The following PKN2 variants were observed in gnomAD, a reference collection of about 807,000 sequenced individuals.
The protein encoded by PKN2 is protein kinase N2, also known as serine/threonine-protein kinase N2.
Under a neutral mutation model 119.1 loss-of-function variants are expected in PKN2, and 38 were observed. That is an observed-to-expected ratio of 0.32 (90% CI 0.25 to 0.42). The LOEUF (loss-of-function observed/expected upper bound fraction) is 0.42. Among genes scored for constraint, PKN2 ranks in the 10% least tolerant of loss-of-function variants. The pLI, the probability that PKN2 is intolerant of heterozygous loss-of-function variation, is 1.00. For missense variants in PKN2, 850 were observed against 1,165.1 expected (o/e 0.73, Z 3.94); for synonymous variants, 390 against 384.9 (o/e 1.01, Z -0.15).
In PKN2 at chr1:88,777,640, A is replaced by G. The variant is rs187318761; in HGVS notation, c.985+5761A>G. Reference sequence around the variant, plus strand: ...CCTGAGGTGTCTATTTCATTAATATATTGTACACCAAAATAAAATTCTAAG... The same window carrying G: ...CCTGAGGTGTCTATTTCATTAATATGTTGTACACCAAAATAAAATTCTAAG... On this transcript the variant is annotated intron_variant, in intron 6 of 21. Coordinates refer to ENST00000370521, the MANE Select transcript of PKN2 (RefSeq NM_006256.4). Among the ~76,000 whole-genome samples the G allele has an allele frequency of 3.3e-5, 5 of 152,314 alleles. No individual in the cohort carries two copies. In the East Asian group the frequency reaches 9.6e-4, roughly 29 times the overall value.
chr1:88,760,622 C>T (rs576772625), intron 3 of PKN2, among the ~76,000 whole-genome samples: 188 of 152,098 alleles, frequency 1.2e-3, no homozygotes, highest in African/African-American at 3.2e-3. Flanking sequence ...TAAAAAGTAT[C>T]CTTTTTCAGA....
rs571988746 is a variant in PKN2, at chr1:88,808,406, A to G, written c.2102+631A>G. 2.4e-3 allele frequency among the ~76,000 whole-genome samples: 364 copies of G among 152,088 alleles called. 1 individual carries two copies. The highest frequency in any genetic ancestry group is 3.8e-3 in the Non-Finnish European group (259 of 67,978). ...CTGCAACCTCCACCTCCTGGGTTCA[A>G]GCAATTCTCCTGCCTCAGTCTCCTG... On this transcript the variant is annotated intron_variant, in intron 15 of 21. Coordinates refer to ENST00000370521, the MANE Select transcript of PKN2 (RefSeq NM_006256.4).
At chr1:88,706,418 T>A (rs1480424866) in intron 1 of PKN2, among the ~76,000 whole-genome samples, 1 of 152,168 alleles carries the variant, frequency 6.6e-6, no homozygotes, top group Non-Finnish European at 1.5e-5. Context: ...GATAATGCTG[T>A]CTTTGCATAA....
At position 88,835,050 on chromosome 1, in the gene PKN2, T is replaced by C. The variant is rs1672887260; in HGVS notation, c.*1602T>C. ...AAACATGAAAAAGCACACTGATTTATGGAGAGTTGAGCTAAAAACATTTAT... is the reference window on the plus strand; with the variant it reads ...AAACATGAAAAAGCACACTGATTTACGGAGAGTTGAGCTAAAAACATTTAT... On this transcript the variant is annotated 3_prime_UTR_variant, in exon 22 of 22. Coordinates refer to ENST00000370521, the MANE Select transcript of PKN2 (RefSeq NM_006256.4). 6.6e-6 allele frequency: 1 copy of C among 152,504 alleles called. No individual in the cohort carries two copies. Among genetic ancestry groups the C allele is most frequent in the African/African-American group, 2.4e-5 (1 of 41,458 alleles). The allele number at this position is 152,504 out of a possible 1,614,324, so 9.4% of individuals were successfully genotyped here.
Position 88,773,448 on chromosome 1 carries a change from C to T in PKN2, c.985+1569C>T, listed in dbSNP as rs10922487. 5.5e-3 allele frequency among the ~76,000 whole-genome samples: 835 copies of T among 151,810 alleles called. 6 individuals carry two copies. The highest frequency in any genetic ancestry group is 0.019 in the African/African-American group (804 of 41,376). On this transcript the variant is annotated intron_variant, in intron 6 of 21. Coordinates refer to ENST00000370521, the MANE Select transcript of PKN2 (RefSeq NM_006256.4). ...CTGGCCTCAAGTGATCTGCATGTGC[C>T]ACTGCACCTGGCTAATTTCTGTATT...
intron 1 of PKN2, among the ~76,000 whole-genome samples, chr1:88,703,074 G>C (rs1050791475): frequency 6.6e-6 from 1 of 152,058 alleles, no homozygotes; most frequent in African/African-American, 2.4e-5. Context: ...CGCACTCCTT[G>C]TCCCTTTTCT....
chr1:88,813,724 C>G lies in PKN2; in HGVS notation c.2270C>G (p.Pro757Arg), dbSNP rs747523531. 1 of 1,591,032 alleles carries G rather than the reference C, an allele frequency of 6.3e-7. No homozygotes were observed. The highest frequency in any genetic ancestry group is 8.5e-7 in the Non-Finnish European group (1 of 1,172,158). Residue 757 changes from proline (P) to arginine (R), a missense_variant, in exon 16 of 22, where the codon CCA becomes CGA. This residue lies in a region of PKN2 where 55 missense variants were observed against 85.9 expected (regional missense o/e 0.64). Coordinates refer to ENST00000370521, the MANE Select transcript of PKN2 (RefSeq NM_006256.4). ...ATTCATACTGATGTCTTTTCTGAACCAAGAGCTGTGTGAGTATGCTTTAGA... is the reference window on the plus strand; with the variant it reads ...ATTCATACTGATGTCTTTTCTGAACGAAGAGCTGTGTGAGTATGCTTTAGA... ...MHIHTDVFSEPRAVFYAACVV... is the reference protein window; with the variant it reads ...MHIHTDVFSERRAVFYAACVV...
At chr1:88,698,521 A>G (rs1666631940) in intron 1 of PKN2, among the ~76,000 whole-genome samples, 1 of 152,236 alleles carries the variant, frequency 6.6e-6, no homozygotes, top group Admixed American at 6.5e-5. Flanking sequence ...GCTTTGTTAT[A>G]TAATCTTTTA....
chr1:88,717,744 CCTT>C (rs1014413052), intron 1 of PKN2, among the ~76,000 whole-genome samples: 1 of 152,054 alleles, frequency 6.6e-6, no homozygotes, highest in African/African-American at 2.4e-5. Context: ...CGAACATCCT[CCTT>C]TAGCTCGGAG....
intron 1 of PKN2, among the ~76,000 whole-genome samples, chr1:88,710,013 T>C (rs1667163018): frequency 6.6e-6 from 1 of 152,116 alleles, no homozygotes; most frequent in African/African-American, 2.4e-5. Flanking sequence ...TCAAAAGAAA[T>C]AGGGAGACTA....
rs1672413159 is a variant in PKN2, at chr1:88,824,306, A to C, written c.2343-4A>C. ...TTCATGCTGTATCTTTTTATCCTGA[A>C]CAGAGATTTGAAATTGGATAACTTA... On this transcript the variant is annotated splice_polypyrimidine_tract_variant and splice_region_variant and intron_variant, in intron 17 of 21. Transcript: ENST00000370521. 9.2e-6 allele frequency: 14 copies of C among 1,523,878 alleles called. No individual in the cohort carries two copies. Among genetic ancestry groups the C allele is most frequent in the Non-Finnish European group, 1.2e-5 (13 of 1,102,540 alleles). The allele number at this position is 1,523,878 out of a possible 1,614,324, so 94.4% of individuals were successfully genotyped here. A position where few individuals can be genotyped will look rare whatever the true frequency, so the allele number is the denominator to read the frequency against.
intron 8 of PKN2, among the ~76,000 whole-genome samples, chr1:88,790,209 A>G (rs900708059): frequency 6.6e-6 from 1 of 152,150 alleles, no homozygotes; most frequent in Non-Finnish European, 1.5e-5. Flanking sequence ...TCTACATTGG[A>G]TCACTTGAGT....
At chr1:88,698,785 G>A (rs1666644704) in intron 1 of PKN2, among the ~76,000 whole-genome samples, 1 of 152,158 alleles carries the variant, frequency 6.6e-6, no homozygotes, top group Non-Finnish European at 1.5e-5. Flanking sequence ...TAGACCATAT[G>A]CATTAACCTA....
chr1:88,808,866 G>A (rs143143068), intron 15 of PKN2, among the ~76,000 whole-genome samples: 13 of 152,154 alleles, frequency 8.5e-5, no homozygotes, highest in Middle Eastern at 3.4e-3. Flanking sequence ...GACTTTTCTC[G>A]TCCTCATTGC....
Position 88,740,991 on chromosome 1 carries a change from G to T in PKN2, c.52G>T (p.Asp18Tyr). 6.4e-7 allele frequency: 1 copy of T among 1,554,388 alleles called. No individual in the cohort carries two copies. The highest frequency in any genetic ancestry group is 1.2e-5 in the South Asian group (1 of 80,330). The change falls in exon 2 of 22, where the codon GAT becomes TAT. Residue 18 changes from aspartate (D) to tyrosine (Y), a missense_variant. This residue lies in a region of PKN2 where 73 missense variants were observed against 61.2 expected (regional missense o/e 1.19). Transcript: ENST00000370521. ...GEILLTELQG[D>Y]SRSLPFSENV... ...TGTATGTTTATTTTTTCTGTAGGGG[G>T]ATTCCCGAAGTCTTCCGTTTTCTGA...
chr1:88,741,308 G>T lies in PKN2; in HGVS notation c.349+20G>T. On this transcript the variant is annotated intron_variant, in intron 2 of 21. Coordinates refer to ENST00000370521, the MANE Select transcript of PKN2 (RefSeq NM_006256.4). ...TTACAGGTATAGTAGTGCTTTATTT[G>T]ATGTTTATATGGTATATTAATAAAA... is the stretch of plus-strand genomic sequence containing the variant. 2.1e-6 allele frequency: 3 copies of T among 1,434,350 alleles called. No individual in the cohort carries two copies. The highest frequency in any genetic ancestry group is 1.4e-5 in the South Asian group (1 of 70,270). The allele number at this position is 1,434,350 out of a possible 1,614,324, so 88.9% of individuals were successfully genotyped here. A position where few individuals can be genotyped will look rare whatever the true frequency, so the allele number is the denominator to read the frequency against.
intron 1 of PKN2, among the ~76,000 whole-genome samples, chr1:88,706,439 T>G (rs967042312): frequency 1.3e-5 from 2 of 152,154 alleles, no homozygotes; most frequent in Admixed American, 6.5e-5. Context: ...AAAGTTTTAC[T>G]TCTTTGTAAT....
chr1:88,786,051 G>A, intron 7 of PKN2, 53 bp from the exon 8 acceptor site: 1 of 1,099,772 alleles, frequency 9.1e-7, no homozygotes, highest in South Asian at 1.3e-5. Flanking sequence ...CAGTACTTCT[G>A]TTTTTTATAA....
At chr1:88,811,701 T>C (rs960962163) in intron 15 of PKN2, among the ~76,000 whole-genome samples, 4 of 152,148 alleles carry the variant, frequency 2.6e-5, no homozygotes, top group African/African-American at 9.7e-5. Context: ...CCTACAACAC[T>C]CAAACTATTA....
Sources: gnomAD v4.1 joint callset for allele counts (sites outside exome capture counted in the v4.1 genomes callset) on GRCh38, gnomAD v4.1.1 for gene constraint, gnomAD v4.1.1 regional missense constraint, MANE v1.5 for transcripts, NCBI Gene and HGNC (gene_info 2026-07-23, HGNC 2026-07-21) for gene names.